ZDHHC14: variants seen among roughly 807,000 people sequenced by gnomAD.
ZDHHC14 encodes the protein zDHHC palmitoyltransferase 14.
In ZDHHC14, 16 loss-of-function variants were observed where a neutral mutation model predicts 47.7. The observed-to-expected ratio is 0.34, with a 90% CI of 0.23 to 0.51. The LOEUF (loss-of-function observed/expected upper bound fraction) is 0.51, where lower values mean the gene tolerates loss of function less well. ZDHHC14 is among the 20% of genes least tolerant of loss of function. The probability of loss-of-function intolerance (pLI) is 0.97; values close to 1 mark genes in which losing one functional copy is unlikely to be tolerated. For synonymous variants in ZDHHC14, 293 were observed against 278.9 expected (o/e 1.05, Z -0.50); for missense variants, 515 against 662.5 (o/e 0.78, Z 2.44).
In ZDHHC14 at chr6:157,420,042, A is replaced by T. The variant is rs138034644; in HGVS notation, c.245+37776A>T. On this transcript the variant is annotated intron_variant, in intron 1 of 8. Coordinates refer to ENST00000359775, the MANE Select transcript of ZDHHC14 (RefSeq NM_024630.3). ...ATTTGCAATTTCCTAATGACGTGAG[A>T]CATGGAGCATCTTTTCATGTGCTTA... Among the ~76,000 whole-genome samples, 103 of 152,358 alleles carry T rather than the reference A, an allele frequency of 6.8e-4. 1 individual carries two copies. In the East Asian group the frequency reaches 0.02, roughly 29 times the overall value.
intron 1 of ZDHHC14, among the ~76,000 whole-genome samples, chr6:157,420,909 C>T (rs1234330433): frequency 1.3e-5 from 2 of 152,272 alleles, no homozygotes; most frequent in Non-Finnish European, 1.5e-5. Flanking sequence ...CAGGAGCAGC[C>T]GTCCTGATCT....
chr6:157,498,160 G>C (rs1435941465), intron 1 of ZDHHC14, among the ~76,000 whole-genome samples: 3 of 152,122 alleles, frequency 2.0e-5, no homozygotes, highest in African/African-American at 7.2e-5. Flanking sequence ...CGGGGGGCTG[G>C]GTGCAGTGGC....
intron 1 of ZDHHC14, among the ~76,000 whole-genome samples, chr6:157,399,481 A>C (rs1777587985): frequency 6.6e-6 from 1 of 152,248 alleles, no homozygotes; most frequent in Admixed American, 6.5e-5. Flanking sequence ...GTCTCTTCTC[A>C]TAATTTGTGC....
intron 1 of ZDHHC14, among the ~76,000 whole-genome samples, chr6:157,479,286 G>A (rs1169550628): frequency 6.6e-6 from 1 of 152,218 alleles, no homozygotes; most frequent in African/African-American, 2.4e-5. Flanking sequence ...AAATGTCTTA[G>A]AACTGTGATT....
intron 8 of ZDHHC14, among the ~76,000 whole-genome samples, chr6:157,655,015 G>C (rs2757134): frequency 1.7e-4 from 26 of 152,178 alleles, no homozygotes; most frequent in Non-Finnish European, 2.9e-4. Context: ...GATGACGGGC[G>C]TGAGCCACTG....
chr6:157,536,198 A>G (rs1781539779), intron 1 of ZDHHC14, among the ~76,000 whole-genome samples: 1 of 152,212 alleles, frequency 6.6e-6, no homozygotes, highest in Non-Finnish European at 1.5e-5. Context: ...GAGTGTGGCA[A>G]TAATGCAGCA....
At chr6:157,606,729 G>A (rs1187043609) in intron 3 of ZDHHC14, among the ~76,000 whole-genome samples, 6 of 152,208 alleles carry the variant, frequency 3.9e-5, no homozygotes, top group Non-Finnish European at 7.3e-5. Context: ...AGTCTCACCC[G>A]CGGTCAAGAA....
At chr6:157,669,430 G>A (rs1778695607) in intron 8 of ZDHHC14, among the ~76,000 whole-genome samples, 1 of 152,182 alleles carries the variant, frequency 6.6e-6, no homozygotes, top group Admixed American at 6.5e-5. Flanking sequence ...TCTTCCCACA[G>A]GGAAGGTGAA....
intron 1 of ZDHHC14, among the ~76,000 whole-genome samples, chr6:157,535,781 G>T (rs1021581849): frequency 6.6e-6 from 1 of 152,094 alleles, no homozygotes; most frequent in African/African-American, 2.4e-5. Flanking sequence ...TCCTATTCTG[G>T]AGTTGTGAGT....
intron 1 of ZDHHC14, among the ~76,000 whole-genome samples, chr6:157,419,494 C>CACT (rs1041150595): frequency 6.6e-6 from 1 of 152,202 alleles, no homozygotes; most frequent in Non-Finnish European, 1.5e-5. Flanking sequence ...GTCTGGCAAC[C>CACT]ACTAGTCTTT....
At chr6:157,523,906 A>C (rs182691289) in intron 1 of ZDHHC14, among the ~76,000 whole-genome samples, 106 of 152,296 alleles carry the variant, frequency 7.0e-4, no homozygotes, top group African/African-American at 2.5e-3. Context: ...GTCTCCAACA[A>C]CAAAGACTCA....
rs545206304 is a variant in ZDHHC14, at chr6:157,652,336, C to G, written c.966-1189C>G. On this transcript the variant is annotated intron_variant, in intron 7 of 8. Coordinates refer to ENST00000359775, the MANE Select transcript of ZDHHC14 (RefSeq NM_024630.3). The stretch of plus-strand genomic sequence containing the variant: ...TTCTGAGAAAAGCAGCCCAGGTAGA[C>G]AGTCCTCAGAGGCGGGGATGGGCAT... 3.9e-5 allele frequency among the ~76,000 whole-genome samples: 6 copies of G among 152,318 alleles called. No homozygotes were observed. The South Asian group carries it at 1.2e-3, about 32-fold the overall frequency.
intron 3 of ZDHHC14, among the ~76,000 whole-genome samples, chr6:157,594,282 G>A (rs978509902): frequency 6.6e-6 from 1 of 152,076 alleles, no homozygotes; most frequent in Non-Finnish European, 1.5e-5. Flanking sequence ...ATCAGGCCTC[G>A]TCTTGGTTTT....
intron 1 of ZDHHC14, among the ~76,000 whole-genome samples, chr6:157,537,820 C>G (rs536845579): frequency 1.3e-5 from 2 of 152,278 alleles, no homozygotes; most frequent in African/African-American, 4.8e-5. Context: ...TGAGCTCGGA[C>G]TAAGAATTTG....
chr6:157,483,295 A>C (rs1342216485), intron 1 of ZDHHC14, among the ~76,000 whole-genome samples: 1 of 152,000 alleles, frequency 6.6e-6, no homozygotes, highest in Non-Finnish European at 1.5e-5. Context: ...CCCTGCTGAC[A>C]CTCTGTATGC....
At chr6:157,520,484 C>A (rs865987419) in intron 1 of ZDHHC14, among the ~76,000 whole-genome samples, 13 of 152,210 alleles carry the variant, frequency 8.5e-5, no homozygotes, top group Non-Finnish European at 1.3e-4. Flanking sequence ...CAAAGGCATA[C>A]ATCTACAGCC....
At position 157,672,820 on chromosome 6, in the gene ZDHHC14, C is replaced by G; in HGVS notation, c.1165C>G (p.Leu389Val). 1 of 1,612,362 alleles carries G rather than the reference C, an allele frequency of 6.2e-7. No individual in the cohort carries two copies. The highest frequency in any genetic ancestry group is 8.5e-7 in the Non-Finnish European group (1 of 1,179,668). Residue 389 changes from leucine (L) to valine (V), a missense_variant, in exon 9 of 9, where the codon CTG becomes GTG. Transcript: ENST00000359775. ...CGAGCCCAGCCTCACCAGCGACGAG[C>G]TGCACCTGCCCGGGAAGCCTGGCCT... is the stretch of plus-strand genomic sequence containing the variant. ...QSEPSLTSDE[L>V]HLPGKPGLGT... is the part of the protein sequence containing the mutation.
chr6:157,591,015 G>A (rs1783887444), intron 2 of ZDHHC14, among the ~76,000 whole-genome samples: 1 of 152,210 alleles, frequency 6.6e-6, no homozygotes, highest in Non-Finnish European at 1.5e-5. Flanking sequence ...CATGGGGCCT[G>A]TAGCCCATTT....
At chr6:157,393,567 T>G (rs1052719809) in intron 1 of ZDHHC14, among the ~76,000 whole-genome samples, 2 of 152,230 alleles carry the variant, frequency 1.3e-5, no homozygotes, top group Non-Finnish European at 2.9e-5. Context: ...CTTCTTGTAC[T>G]GATCATAGAA....
Sources: gnomAD v4.1 joint callset for allele counts (sites outside exome capture counted in the v4.1 genomes callset) on GRCh38, gnomAD v4.1.1 for gene constraint, MANE v1.5 for transcripts, NCBI Gene and HGNC (gene_info 2026-07-23, HGNC 2026-07-21) for gene names.